Variants in SARS1 observed in about 807,000 individuals in gnomAD.
The protein encoded by SARS1 is serine--tRNA ligase, cytoplasmic.
SARS1 carries 25 observed loss-of-function variants against 63.7 expected under a neutral mutation model. That is an observed-to-expected ratio of 0.39 (90% CI 0.29 to 0.55). The LOEUF (loss-of-function observed/expected upper bound fraction) is 0.55. Among genes scored for constraint, SARS1 ranks in the 20% least tolerant of loss-of-function variants. SARS1 has a pLI of 0.62. For synonymous variants in SARS1, 231 were observed against 243.5 expected (o/e 0.95, Z 0.48); for missense variants, 417 against 649.7 (o/e 0.64, Z 3.89).
At chr1:109,221,354 C>T (rs1458117782) in intron 1 of SARS1, among the ~76,000 whole-genome samples, 2 of 152,126 alleles carry the variant, frequency 1.3e-5, no homozygotes, top group African/African-American at 4.8e-5. Flanking sequence ...CCACTGCGTC[C>T]GGCCACATTT....
chr1:109,231,071 AT>A, intron 5 of SARS1, 50 bp downstream of exon 5: 1 of 949,426 alleles, frequency 1.1e-6, no homozygotes, highest in Non-Finnish European at 1.3e-6. Context: ...GAAACAAAAT[AT>A]ATATATATAT....
chr1:109,228,004 T>C (rs752487397), intron 2 of SARS1, among the ~76,000 whole-genome samples: 7 of 151,962 alleles, frequency 4.6e-5, no homozygotes, highest in Non-Finnish European at 8.8e-5. Context: ...CCAGCGCTTA[T>C]AGCTCATGAG....
Position 109,237,521 on chromosome 1 carries a change from G to A in SARS1, c.1387+148G>A. On this transcript the variant is annotated intron_variant, in intron 10 of 10. Transcript: ENST00000234677. This position sits in a 1 kb window ranked among gnomAD's most constrained non-coding sequence, Gnocchi z 4.1. ...GCCCTCTCGGGCTGGGCAGGGCAGG[G>A]GGCCTGGTTGAGAAAGTAGCCAGTG... 2.3e-6 allele frequency: 3 copies of A among 1,308,574 alleles called. No homozygotes were observed. Among genetic ancestry groups the A allele is most frequent in the Non-Finnish European group, 2.1e-6 (2 of 942,216 alleles). 81.1% of individuals were successfully genotyped at this position (1,308,574 alleles called of 1,614,324 possible).
At chr1:109,218,118 G>A (rs575547088) in intron 1 of SARS1, among the ~76,000 whole-genome samples, 41 of 149,800 alleles carry the variant, frequency 2.7e-4, no homozygotes, top group Non-Finnish European at 4.7e-4. Flanking sequence ...GCGTGAACCC[G>A]GGAGGCAGAG....
chr1:109,216,667 C>T, intron 1 of SARS1: 1 of 839,820 alleles, frequency 1.2e-6, no homozygotes, highest in Non-Finnish European at 1.4e-6. Flanking sequence ...CAAGGTCTCA[C>T]TGTGTCACCC....
intron 1 of SARS1, among the ~76,000 whole-genome samples, chr1:109,223,681 A>G (rs183270222): frequency 1.3e-5 from 2 of 152,286 alleles, no homozygotes; most frequent in Non-Finnish European, 2.9e-5. Context: ...GCGGGCACCT[A>G]TAATCCCAGC....
Position 109,237,339 on chromosome 1 carries a change from T to G in SARS1, c.1353T>G (p.Thr451=). ...ACTACCAGACAGAGAAGGGCATCACTGTGCCTGAGAAATTGAAGGAGTTCA... is the reference window on the plus strand; with the variant it reads ...ACTACCAGACAGAGAAGGGCATCACGGTGCCTGAGAAATTGAAGGAGTTCA... ...LENYQTEKGI[T]VPEKLKEFMP... Residue 451 remains threonine (T), a synonymous_variant, in exon 10 of 11, where the codon ACT becomes ACG. Coordinates refer to ENST00000234677, the MANE Select transcript of SARS1 (RefSeq NM_006513.4). The surrounding 1 kb of genome is among the most constrained non-coding windows in gnomAD (Gnocchi z 4.1). The G allele has an allele frequency of 6.2e-7, 1 of 1,614,230 alleles. No individual in the cohort carries two copies. The highest frequency in any genetic ancestry group is 1.1e-5 in the South Asian group (1 of 91,086).
chr1:109,214,130 TAA>T lies in SARS1; in HGVS notation c.136+3_136+4del. The T allele has an allele frequency of 6.2e-7, 1 of 1,613,440 alleles. No homozygotes were observed. Among genetic ancestry groups the T allele is most frequent in the Non-Finnish European group, 8.5e-7 (1 of 1,179,656 alleles). ...AGGCAGACAGCGAGTGGCGACGATG[TAA>T]GTACCGGGACGGGCGGGTTACCTCC... On this transcript the variant is annotated splice_donor_region_variant and intron_variant, in intron 1 of 10. Transcript: ENST00000234677. This position sits in a 1 kb window ranked among gnomAD's most constrained non-coding sequence, Gnocchi z 4.6.
Position 109,230,845 on chromosome 1 carries a change from CTTGT to C in SARS1, c.448-32_448-29del, listed in dbSNP as rs768252072. 14 of 1,559,530 alleles carry C rather than the reference CTTGT, an allele frequency of 9.0e-6. No homozygotes were observed. The South Asian group carries it at 1.6e-4, about 18-fold the overall frequency. ...ATTTAAAAATAATAAAATCATATGT[CTTGT>C]ATGTCTCTTTCTTGCTCTGTTTCCT... On this transcript the variant is annotated intron_variant, in intron 4 of 10. Transcript: ENST00000234677.
chr1:109,236,371 C>T lies in SARS1; in HGVS notation c.1100-20C>T. 2 of 1,580,406 alleles carry T rather than the reference C, an allele frequency of 1.3e-6. No individual in the cohort carries two copies. The highest frequency in any genetic ancestry group is 1.7e-6 in the Non-Finnish European group (2 of 1,156,218). On this transcript the variant is annotated intron_variant, in intron 8 of 10. Transcript: ENST00000234677. ...AAATACCATCCCTCCTTCATGAATT[C>T]TAGGGGTTTTTCCTTACAGGTTCTT...
At chr1:109,226,742 ATT>A (rs1195123380) in intron 2 of SARS1, among the ~76,000 whole-genome samples, 817 of 65,404 alleles carry the variant, frequency 0.012, 8 homozygotes, top group East Asian at 0.076. Context: ...ATATATATTT[ATT>A]TATTTATTTA....
intron 1 of SARS1, among the ~76,000 whole-genome samples, chr1:109,217,657 C>G (rs1247531750): frequency 6.6e-6 from 1 of 151,856 alleles, no homozygotes; most frequent in Non-Finnish European, 1.5e-5. Context: ...ACCTCCTGGG[C>G]TCAACTGGTC....
Position 109,235,437 on chromosome 1 carries a change from T to C in SARS1, c.969+6T>C. The C allele has an allele frequency of 1.2e-6, 2 of 1,607,820 alleles. No homozygotes were observed. The highest frequency in any genetic ancestry group is 1.7e-6 in the Non-Finnish European group (2 of 1,177,454). ...GAGTCCATCAGTTTGAGAAGGTGAG[T>C]AGATGGGTCAGGGTAAGGAGTGGAA... On this transcript the variant is annotated splice_donor_region_variant and intron_variant, in intron 7 of 10. Transcript: ENST00000234677. The surrounding 1 kb of genome is among the most constrained non-coding windows in gnomAD (Gnocchi z 4.7).
chr1:109,216,481 G>A (rs1156326202), intron 1 of SARS1: 4 of 985,018 alleles, frequency 4.1e-6, no homozygotes, highest in Non-Finnish European at 4.8e-6. Flanking sequence ...CTACACTTGG[G>A]CATATTTGTC....
chr1:109,230,295 A>AC (rs1011741916), intron 4 of SARS1, among the ~76,000 whole-genome samples: 1 of 152,092 alleles, frequency 6.6e-6, no homozygotes, highest in Non-Finnish European at 1.5e-5. Context: ...AACAAAAAAA[A>AC]CCCCCGAGAG....
At chr1:109,225,289 T>C (rs2101192703) in intron 2 of SARS1, among the ~76,000 whole-genome samples, 1 of 152,334 alleles carries the variant, frequency 6.6e-6, no homozygotes, top group East Asian at 1.9e-4. Flanking sequence ...GCAGTCGGCA[T>C]CTTTCTCTTT....
At chr1:109,228,852 C>G (rs1378435195) in intron 3 of SARS1, among the ~76,000 whole-genome samples, 1 of 152,042 alleles carries the variant, frequency 6.6e-6, no homozygotes, top group Non-Finnish European at 1.5e-5. Flanking sequence ...GAACATAAAC[C>G]AAAAAAGCAA....
chr1:109,231,931 T>C, intron 6 of SARS1, 145 bp downstream of exon 6: 1 of 614,810 alleles, frequency 1.6e-6, no homozygotes, highest in Non-Finnish European at 2.5e-6. Context: ...AAAATGTGGG[T>C]GGTGCAATGG....
intron 1 of SARS1, among the ~76,000 whole-genome samples, chr1:109,219,759 C>T (rs959628047): frequency 5.9e-5 from 9 of 152,122 alleles, no homozygotes; most frequent in African/African-American, 1.9e-4. Context: ...GTGATCCACC[C>T]GCCTTGGCCT....
Sources: allele counts gnomAD v4.1 joint callset (sites outside exome capture counted in the v4.1 genomes callset), GRCh38; gene constraint gnomAD v4.1.1; non-coding constraint Gnocchi (gnomAD v3.1); transcripts MANE v1.5; gene names NCBI Gene and HGNC (gene_info 2026-07-23, HGNC 2026-07-21).